The following TEDC1 variants were observed in gnomAD, a reference collection of about 807,000 sequenced individuals.
The protein encoded by TEDC1 is tubulin epsilon and delta complex 1, also known as tubulin epsilon and delta complex protein 1.
In TEDC1, 54 loss-of-function variants were observed where a neutral mutation model predicts 59.9. The ratio of observed to expected loss-of-function variants is 0.90; its 90% CI spans 0.72 to 1.13. The LOEUF (loss-of-function observed/expected upper bound fraction) is 1.13. Among genes scored for constraint, TEDC1 ranks in the 50% most tolerant of loss-of-function variants. The pLI is 0.00. For missense variants in TEDC1, 734 were observed against 683.4 expected (o/e 1.07, Z -0.83); for synonymous variants, 353 against 298.1 (o/e 1.18, Z -1.90).
chr14:105,492,525 T>C (rs749025914), intron 3 of TEDC1, 54 bp from the exon 4 acceptor site: 314 of 1,517,760 alleles, frequency 2.1e-4, no homozygotes, highest in Non-Finnish European at 2.5e-4. Context: ...ATCCTGGCCT[T>C]TTCTGGGGGG....
chr14:105,491,186 G>T, upstream of TEDC1: 2 of 1,548,722 alleles, frequency 1.3e-6, no homozygotes, highest in Non-Finnish European at 1.7e-6. Flanking sequence ...GTGATTGGGC[G>T]CAGGTCCCAG....
intron 3 of TEDC1, 54 bp downstream of exon 3, chr14:105,492,363 A>AACC: frequency 6.3e-7 from 1 of 1,587,356 alleles, no homozygotes; most frequent in South Asian, 1.1e-5. Context: ...TCCTGGGGCC[A>AACC]GAGCAAGGGC....
chr14:105,496,235 GT>G, intron 6 of TEDC1, 149 bp downstream of exon 6: 2 of 788,636 alleles, frequency 2.5e-6, no homozygotes, highest in Non-Finnish European at 3.9e-6. Flanking sequence ...ATTGCCTTCT[GT>G]CAGGTGTGTT....
intron 6 of TEDC1, 134 bp from the exon 7 acceptor site, chr14:105,497,223 C>T (rs587749623): frequency 8.1e-6 from 7 of 861,466 alleles, no homozygotes; most frequent in Non-Finnish European, 1.3e-5. Flanking sequence ...TGGGCGCAGG[C>T]AGGGGAGGGC....
chr14:105,490,168 G>GC (rs1436818665), upstream of TEDC1: 1 of 151,220 alleles, frequency 6.6e-6, no homozygotes, highest in African/African-American at 2.5e-5. Context: ...GCTGGGGGGG[G>GC]GGCCCCGAGG....
At chr14:105,496,146 G>GGGGGGGGGGGCCCCC in intron 6 of TEDC1, 60 bp downstream of exon 6, 1 of 331,608 alleles carries the variant, frequency 3.0e-6, no homozygotes, top group Non-Finnish European at 5.9e-6. Context: ...GGGTGGGAGG[G>GGGGGGGGGGGCCCCC]GGTGGCGAGG....
Position 105,491,458 on chromosome 14 carries a change from G to T in TEDC1, c.83G>T (p.Arg28Leu). 6.8e-7 allele frequency: 1 copy of T among 1,461,022 alleles called. No homozygotes were observed. Among genetic ancestry groups the T allele is most frequent in the Non-Finnish European group, 9.0e-7 (1 of 1,110,296 alleles). The allele number at this position is 1,461,022 out of a possible 1,614,324, so 90.5% of individuals were successfully genotyped here. Residue 28 changes from arginine (R) to leucine (L), a missense_variant, in exon 1 of 9, where the codon CGG (arginine) becomes CTG (leucine). Transcript: ENST00000392523. ...ALPEAIAALS[R>L]SLPSGPSPEI... ...CCTGAGGCCATCGCCGCGTTGAGTCGGTCGCTGCCCTCGGGACCCAGCCCC... is the reference window on the plus strand; with the variant it reads ...CCTGAGGCCATCGCCGCGTTGAGTCTGTCGCTGCCCTCGGGACCCAGCCCC...
At chr14:105,498,092 G>A in intron 8 of TEDC1, 115 bp downstream of exon 8, 3 of 1,302,694 alleles carry the variant, frequency 2.3e-6, no homozygotes, top group Non-Finnish European at 3.0e-6. Flanking sequence ...GCATGGCAGG[G>A]GACACACTTA....
At position 105,498,789 on chromosome 14, in the gene TEDC1, G is replaced by C. The variant is rs781999003; in HGVS notation, c.1331G>C (p.Arg444Pro). The change falls in exon 9 of 9, where the codon CGG (arginine) becomes CCG (proline). Residue 444 changes from arginine to proline, a missense_variant. Coordinates refer to ENST00000392523, the MANE Select transcript of TEDC1 (RefSeq NM_001367178.1). ...CGAGAGGATGGGGCAGCAGGGGACC[G>C]GGACCTGCGGGCAGCTGTGGTGATC... ...VRREDGAAGD[R>P]DLRAAVVIRT... 6 of 1,582,006 alleles carry C rather than the reference G, an allele frequency of 3.8e-6. No individual in the cohort carries two copies. In the South Asian group the frequency reaches 5.8e-5, roughly 15 times the overall value.
chr14:105,499,238 T>G lies in TEDC1; in HGVS notation c.*292T>G. 2.0e-6 allele frequency: 1 copy of G among 491,818 alleles called. No individual in the cohort carries two copies. The highest frequency in any genetic ancestry group is 3.7e-6 in the Non-Finnish European group (1 of 273,918). The allele number at this position is 491,818 out of a possible 1,614,324, so 30.5% of individuals were successfully genotyped here. On this transcript the variant is annotated 3_prime_UTR_variant, in exon 9 of 9. Transcript: ENST00000392523. ...GTAGCAGCTTTCCTGCCGCTGGCCC[T>G]CCCCCTGCCACCCTGTCGGGTTTCC...
At chr14:105,491,084 C>T (rs782233119), upstream of TEDC1, 14 of 1,551,272 alleles carry the variant, frequency 9.0e-6, no homozygotes, top group African/African-American at 1.5e-4. Context: ...GGGACCCTGC[C>T]GACGCAGTGA....
intron 5 of TEDC1, chr14:105,494,959 C>T (rs1313816134): frequency 2.0e-5 from 3 of 152,336 alleles, no homozygotes; most frequent in Non-Finnish European, 4.4e-5. Context: ...CAACCTCCGT[C>T]TCCTGGGTTC....
chr14:105,498,592 G>A lies in TEDC1; in HGVS notation c.1159-25G>A, dbSNP rs1193747984. ...GAGGCCAGTGTCCTGGGGGGACAGA[G>A]CCATTGCCATTGTGTCCCACGCAGG... On this transcript the variant is annotated intron_variant, in intron 8 of 8. Coordinates refer to ENST00000392523, the MANE Select transcript of TEDC1 (RefSeq NM_001367178.1). 2.6e-6 allele frequency: 4 copies of A among 1,512,620 alleles called. No homozygotes were observed. The African/African-American group carries it at 4.1e-5, about 16-fold the overall frequency. The allele number at this position is 1,512,620 out of a possible 1,614,324, so 93.7% of individuals were successfully genotyped here. A position where few individuals can be genotyped will look rare whatever the true frequency, so the allele number is the denominator to read the frequency against.
intron 1 of TEDC1, 28 bp from the exon 2 acceptor site, chr14:105,491,594 C>T (rs1448962893): frequency 5.2e-6 from 8 of 1,548,878 alleles, no homozygotes; most frequent in African/African-American, 1.4e-5. Context: ...GCCGGCTCCG[C>T]TGACCGCCCG....
At chr14:105,493,755 C>A in intron 4 of TEDC1, 80 bp from the exon 5 acceptor site, 1 of 1,016,564 alleles carries the variant, frequency 9.8e-7, no homozygotes, top group Non-Finnish European at 1.5e-6. Flanking sequence ...GATGGCCGAC[C>A]TCCCTGGACT....
intron 4 of TEDC1, 129 bp from the exon 5 acceptor site, chr14:105,493,706 T>C (rs1555439931): frequency 7.4e-6 from 5 of 678,056 alleles, no homozygotes; most frequent in Non-Finnish European, 1.3e-5. Context: ...AGGAGTGGCT[T>C]TCTCTGAGCC....
At chr14:105,497,741 C>T (rs1304653246) in intron 7 of TEDC1, 57 bp from the exon 8 acceptor site, 5 of 1,462,798 alleles carry the variant, frequency 3.4e-6, no homozygotes, top group Non-Finnish European at 4.5e-6. Flanking sequence ...CCCTCTTTGC[C>T]CTCTGTCCCT....
At chr14:105,493,790 G>C (rs1270594307) in intron 4 of TEDC1, 45 bp from the exon 5 acceptor site, 2 of 1,409,686 alleles carry the variant, frequency 1.4e-6, no homozygotes, top group East Asian at 2.3e-5. Context: ...GTTGGGGGAG[G>C]TGCTTGACTG....
chr14:105,494,341 G>A (rs2084295021), intron 5 of TEDC1: 1 of 271,590 alleles, frequency 3.7e-6, no homozygotes, highest in Non-Finnish European at 7.3e-6. Context: ...CCCACACTGG[G>A]TGAAGGGTTG....
Sources: allele counts gnomAD v4.1 joint callset, GRCh38; gene constraint gnomAD v4.1.1; transcripts MANE v1.5; gene names NCBI Gene and HGNC (gene_info 2026-07-23, HGNC 2026-07-21).